MAP3K5: variants seen among roughly 807,000 people sequenced by gnomAD.
MAP3K5 encodes ASK-1.
Under a neutral mutation model 158.7 loss-of-function variants are expected in MAP3K5, and 56 were observed. The observed-to-expected ratio is 0.35, with a 90% CI of 0.28 to 0.44. MAP3K5 has a LOEUF of 0.44. Among genes scored for constraint, MAP3K5 ranks in the 20% least tolerant of loss-of-function variants. The probability of loss-of-function intolerance (pLI) is 1.00; values close to 1 mark genes in which losing one functional copy is unlikely to be tolerated. For missense variants in MAP3K5, 1,294 were observed against 1,674.8 expected (o/e 0.77, Z 3.97); for synonymous variants, 579 against 601.7 (o/e 0.96, Z 0.55).
intron 8 of MAP3K5, among the ~76,000 whole-genome samples, chr6:136,663,712 C>T (rs1168916035): frequency 6.6e-6 from 1 of 150,920 alleles, no homozygotes; most frequent in African/African-American, 2.4e-5. Flanking sequence ...CAGGTTCAAG[C>T]GATTCTCCTG....
chr6:136,753,836 C>G (rs1305953199), intron 1 of MAP3K5, among the ~76,000 whole-genome samples: 1 of 152,166 alleles, frequency 6.6e-6, no homozygotes, highest in Non-Finnish European at 1.5e-5. Flanking sequence ...TGCTTCAGCA[C>G]AAGGAGAACA....
At chr6:136,647,492 C>A (rs990353827) in intron 11 of MAP3K5, among the ~76,000 whole-genome samples, 7 of 152,200 alleles carry the variant, frequency 4.6e-5, no homozygotes, top group Admixed American at 4.6e-4. Flanking sequence ...TGCCTTCCTG[C>A]CAGCTCTCAG....
At chr6:136,715,286 A>T (rs1781471856) in intron 2 of MAP3K5, among the ~76,000 whole-genome samples, 1 of 152,242 alleles carries the variant, frequency 6.6e-6, no homozygotes, top group Non-Finnish European at 1.5e-5. Flanking sequence ...TTGGGATTCC[A>T]GTGTCCAAAA....
At chr6:136,563,102 C>T (rs1304002732) in intron 26 of MAP3K5, among the ~76,000 whole-genome samples, 2 of 152,064 alleles carry the variant, frequency 1.3e-5, no homozygotes, top group East Asian at 3.9e-4. Context: ...TAATGAGCTC[C>T]CAGATGACAC....
intron 1 of MAP3K5, among the ~76,000 whole-genome samples, chr6:136,782,178 G>A (rs899792884): frequency 2.6e-5 from 4 of 151,916 alleles, no homozygotes; most frequent in African/African-American, 9.7e-5. Flanking sequence ...ACTTTGGGAG[G>A]CTAAGGTGGG....
intron 24 of MAP3K5, among the ~76,000 whole-genome samples, chr6:136,580,885 G>C (rs1774843519): frequency 6.6e-6 from 1 of 151,948 alleles, no homozygotes; most frequent in East Asian, 1.9e-4. Context: ...CGGGATCATG[G>C]CTCACTGCAA....
intron 14 of MAP3K5, among the ~76,000 whole-genome samples, chr6:136,628,165 G>A (rs546713430): frequency 6.6e-6 from 1 of 151,664 alleles, no homozygotes; most frequent in Non-Finnish European, 1.5e-5. Context: ...AGGCCGGAGT[G>A]CAGTGGTGCC....
intron 1 of MAP3K5, among the ~76,000 whole-genome samples, chr6:136,770,950 T>C (rs1784174894): frequency 6.6e-6 from 1 of 152,204 alleles, no homozygotes; most frequent in Non-Finnish European, 1.5e-5. Context: ...TTAATATGTA[T>C]ACAACTCCTT....
intron 21 of MAP3K5, 79 bp from the exon 22 acceptor site, chr6:136,592,693 C>T: frequency 2.5e-6 from 3 of 1,188,844 alleles, no homozygotes; most frequent in Non-Finnish European, 2.5e-6. Flanking sequence ...TTGAAAGAGG[C>T]CATATTCTTT....
chr6:136,653,506 G>A lies in MAP3K5; in HGVS notation c.1681-2415C>T, dbSNP rs531327770. Among the ~76,000 whole-genome samples, 3 of 152,250 alleles carry A rather than the reference G, an allele frequency of 2.0e-5. No homozygotes were observed. In the South Asian group the frequency reaches 6.2e-4, roughly 32 times the overall value. ...GATGCTATGCTAAGGACATGACAAGGTGCAGCGACCAAGATCGCCCCACAG... is the reference window on the plus strand; with the variant it reads ...GATGCTATGCTAAGGACATGACAAGATGCAGCGACCAAGATCGCCCCACAG... On this transcript the variant is annotated intron_variant, in intron 10 of 29. Coordinates refer to ENST00000359015, the MANE Select transcript of MAP3K5 (RefSeq NM_005923.4).
chr6:136,591,083 C>T (rs1298667199), intron 23 of MAP3K5, among the ~76,000 whole-genome samples: 2 of 152,204 alleles, frequency 1.3e-5, no homozygotes, highest in Non-Finnish European at 2.9e-5. Flanking sequence ...CCTGCACAAG[C>T]TCTCTTGCCT....
intron 25 of MAP3K5, among the ~76,000 whole-genome samples, chr6:136,575,850 T>C (rs1488887180): frequency 6.6e-6 from 1 of 152,234 alleles, no homozygotes; most frequent in Non-Finnish European, 1.5e-5. Context: ...GTCTGCCACA[T>C]TCCTTCACTG....
At position 136,773,273 on chromosome 6, in the gene MAP3K5, C is replaced by T. The variant is rs147988866; in HGVS notation, c.448+18437G>A. On this transcript the variant is annotated intron_variant, in intron 1 of 29. Transcript: ENST00000359015. ...GCCTTACCTTGGGAGTAGCCTGCAC[C>T]GCTTCCAGAGACTGCCTTCTCTCTG... Among the ~76,000 whole-genome samples, 28 of 152,254 alleles carry T rather than the reference C, an allele frequency of 1.8e-4. No homozygotes were observed. In the East Asian group the frequency reaches 2.9e-3, roughly 16 times the overall value.
At chr6:136,570,411 T>A (rs1194800295) in intron 25 of MAP3K5, among the ~76,000 whole-genome samples, 2 of 152,180 alleles carry the variant, frequency 1.3e-5, no homozygotes, top group Admixed American at 1.3e-4. Flanking sequence ...ATGAGCTCAT[T>A]CAACTCCACG....
At chr6:136,585,106 TTTTTTTTTTTTTG>T (rs1243828564) in intron 23 of MAP3K5, among the ~76,000 whole-genome samples, 18 of 94,560 alleles carry the variant, frequency 1.9e-4, no homozygotes, top group Non-Finnish European at 2.8e-4. Context: ...TTTCTTTTTG[TTTTTTTTTTTTTG>T]TTTTTTTTTA....
intron 7 of MAP3K5, among the ~76,000 whole-genome samples, chr6:136,692,599 T>C (rs1780434607): frequency 6.6e-6 from 1 of 152,252 alleles, no homozygotes; most frequent in South Asian, 2.1e-4. Flanking sequence ...ACATTTATAA[T>C]TGTTATCAAC....
At chr6:136,612,775 TACAAAG>T (rs201474901) in intron 17 of MAP3K5, among the ~76,000 whole-genome samples, 3,145 of 152,270 alleles carry the variant, frequency 0.021, 45 homozygotes, top group South Asian at 0.036. Flanking sequence ...TGGGCAAGGA[TACAAAG>T]ATTAACCAGC....
intron 19 of MAP3K5, 146 bp from the exon 20 acceptor site, chr6:136,602,125 G>C (rs933785657): frequency 3.1e-6 from 2 of 653,016 alleles, no homozygotes; most frequent in Non-Finnish European, 5.2e-6. Context: ...AGGGAGATAA[G>C]ATGTGTTTGC....
In MAP3K5 at chr6:136,695,936, AC is replaced by A; in HGVS notation, c.1082+14del. The A allele has an allele frequency of 3.9e-6, 6 of 1,524,408 alleles. No homozygotes were observed. The highest frequency in any genetic ancestry group is 5.4e-6 in the Non-Finnish European group (6 of 1,102,870). 94.4% of individuals were successfully genotyped at this position (1,524,408 alleles called of 1,614,324 possible). ...ATATGTTAACGCATTCTGGAAGGGA[AC>A]TTTTTCTTCTTACCTATTCAGTGCA... On this transcript the variant is annotated intron_variant, in intron 6 of 29. Transcript: ENST00000359015.
Sources: allele counts gnomAD v4.1 joint callset (sites outside exome capture counted in the v4.1 genomes callset), GRCh38; gene constraint gnomAD v4.1.1; transcripts MANE v1.5; gene names NCBI Gene and HGNC (gene_info 2026-07-23, HGNC 2026-07-21).